The following CPA6 variants were observed in gnomAD, a reference collection of about 807,000 sequenced individuals.
CPA6 encodes the protein carboxypeptidase B.
A neutral mutation model predicts 63.3 loss-of-function variants in CPA6; 58 were observed. That is an observed-to-expected ratio of 0.92 (90% CI 0.74 to 1.14). The LOEUF is 1.14. Ranked by LOEUF, CPA6 falls within the 50% of genes most tolerant of loss-of-function variation. CPA6 has a pLI of 0.00. For synonymous variants in CPA6, 185 were observed against 179.0 expected, an observed-to-expected ratio of 1.03 and a Z score of -0.27; for missense variants, 565 against 526.6, an observed-to-expected ratio of 1.07 and a Z score of -0.71.
At chr8:67,451,540 T>C (rs1263881995) in intron 8 of CPA6, among the ~76,000 whole-genome samples, 2 of 152,130 alleles carry the variant, frequency 1.3e-5, no homozygotes, top group Non-Finnish European at 2.9e-5. Flanking sequence ...AGTAATAATA[T>C]AAATAAAGTG....
intron 1 of CPA6, among the ~76,000 whole-genome samples, chr8:67,648,062 G>T (rs1481215082): frequency 6.6e-6 from 1 of 152,034 alleles, no homozygotes; most frequent in African/African-American, 2.4e-5. Context: ...TTTTTTCAGA[G>T]AACTTTCAGA....
intron 1 of CPA6, among the ~76,000 whole-genome samples, chr8:67,705,227 C>A (rs777935285): frequency 1.3e-5 from 2 of 152,134 alleles, no homozygotes; most frequent in African/African-American, 4.8e-5. Flanking sequence ...ACGGGGCTGC[C>A]TTGAGGGCTG....
chr8:67,633,099 A>G (rs1376277453), intron 1 of CPA6, among the ~76,000 whole-genome samples: 1 of 152,174 alleles, frequency 6.6e-6, no homozygotes, highest in Non-Finnish European at 1.5e-5. Context: ...GTAACTGTAT[A>G]TAAGCTCAAG....
chr8:67,708,919 T>G (rs1262949737), intron 1 of CPA6, among the ~76,000 whole-genome samples: 3 of 151,992 alleles, frequency 2.0e-5, no homozygotes, highest in Non-Finnish European at 2.9e-5. Flanking sequence ...TTTTATAATG[T>G]CTCTCTAAAA....
intron 2 of CPA6, among the ~76,000 whole-genome samples, chr8:67,619,422 A>G (rs546955061): frequency 1.3e-5 from 2 of 152,318 alleles, no homozygotes; most frequent in East Asian, 3.9e-4. Context: ...TCAGGTATCA[A>G]TGGGCTAAAA....
chr8:67,725,278 T>C (rs1036138384), intron 1 of CPA6, among the ~76,000 whole-genome samples: 5 of 152,234 alleles, frequency 3.3e-5, no homozygotes, highest in African/African-American at 1.2e-4. Context: ...GCTTTTTTTC[T>C]GCCTTAGTGC....
chr8:67,533,911 G>A lies in CPA6; in HGVS notation c.193-15864C>T, dbSNP rs111572503. 9.2e-3 allele frequency among the ~76,000 whole-genome samples: 1,400 copies of A among 152,316 alleles called. 25 individuals are homozygous for A. Among genetic ancestry groups the A allele is most frequent in the African/African-American group, 0.031 (1,303 of 41,562 alleles). ...AGTTTATCAGTCTTTTCCCCATCAA[G>A]TAGGTCTCATCCTATGTAGGGCAAG... On this transcript the variant is annotated intron_variant, in intron 2 of 10. Coordinates refer to ENST00000297770, the MANE Select transcript of CPA6 (RefSeq NM_020361.5).
chr8:67,608,039 C>T (rs1238023660), intron 2 of CPA6, among the ~76,000 whole-genome samples: 3 of 152,110 alleles, frequency 2.0e-5, no homozygotes, highest in Admixed American at 1.3e-4. Context: ...TTCTTGGGTC[C>T]TGTTTTTACT....
At chr8:67,474,508 A>G (rs1811130726) in intron 8 of CPA6, among the ~76,000 whole-genome samples, 1 of 152,022 alleles carries the variant, frequency 6.6e-6, no homozygotes, top group South Asian at 2.1e-4. Context: ...GACGTGAGCC[A>G]CAGCCGCCGG....
chr8:67,514,375 A>C (rs1301300366), intron 3 of CPA6, among the ~76,000 whole-genome samples: 1 of 152,240 alleles, frequency 6.6e-6, no homozygotes, highest in African/African-American at 2.4e-5. Flanking sequence ...GGGGCCAGAC[A>C]CATGAGGTCA....
intron 6 of CPA6, among the ~76,000 whole-genome samples, chr8:67,503,342 G>C (rs1811865362): frequency 6.6e-6 from 1 of 152,038 alleles, no homozygotes; most frequent in South Asian, 2.1e-4. Flanking sequence ...TTCTGCCCAG[G>C]CTGGAGTGCA....
chr8:67,475,835 C>CTT (rs763590064), intron 8 of CPA6, among the ~76,000 whole-genome samples: 12 of 56,750 alleles, frequency 2.1e-4, no homozygotes, highest in Non-Finnish European at 3.5e-4. Context: ...TTCTTTCTTT[C>CTT]TTTCTTTCTT....
At chr8:67,699,663 T>C (rs1021571855) in intron 1 of CPA6, among the ~76,000 whole-genome samples, 2 of 151,934 alleles carry the variant, frequency 1.3e-5, no homozygotes, top group Non-Finnish European at 2.9e-5. Flanking sequence ...TCTGGGTTCA[T>C]TGCAATCTCC....
chr8:67,525,753 C>A (rs908516322), intron 2 of CPA6, among the ~76,000 whole-genome samples: 1 of 152,158 alleles, frequency 6.6e-6, no homozygotes, highest in African/African-American at 2.4e-5. Context: ...AGGTCATTAT[C>A]TTAAATGAAA....
At position 67,563,101 on chromosome 8, in the gene CPA6, T is replaced by G. The variant is rs1430657870; in HGVS notation, c.193-45054A>C. Among the ~76,000 whole-genome samples, 3 of 144,516 alleles carry G rather than the reference T, an allele frequency of 2.1e-5. No homozygotes were observed. In the East Asian group the frequency reaches 6.1e-4, roughly 30 times the overall value. 94.8% of individuals were successfully genotyped at this position (144,516 alleles called of 152,430 possible). ...TGAATGTTTGTAGAACTAAACTGAG[T>G]CAAAAATTAGAATGAAGAGAAAAAA... is the stretch of plus-strand genomic sequence containing the variant. On this transcript the variant is annotated intron_variant, in intron 2 of 10. Transcript: ENST00000297770.
At chr8:67,575,468 G>C (rs1468287031) in intron 2 of CPA6, among the ~76,000 whole-genome samples, 2 of 152,186 alleles carry the variant, frequency 1.3e-5, no homozygotes. Flanking sequence ...CAATAGTCAA[G>C]ATACAGAATC....
At chr8:67,457,475 A>T (rs1276951003) in intron 8 of CPA6, among the ~76,000 whole-genome samples, 1 of 151,892 alleles carries the variant, frequency 6.6e-6, no homozygotes, top group Admixed American at 6.6e-5. Context: ...CAGCAATCTG[A>T]TCCCTTCCTC....
At chr8:67,466,084 G>GTTTTTTTTTT (rs561313512) in intron 8 of CPA6, among the ~76,000 whole-genome samples, 1 of 96,098 alleles carries the variant, frequency 1.0e-5, no homozygotes. Flanking sequence ...TCTGAGGCTT[G>GTTTTTTTTTT]TTTTTTTTTT....
chr8:67,568,989 G>A (rs1002967580), intron 2 of CPA6, among the ~76,000 whole-genome samples: 1 of 152,178 alleles, frequency 6.6e-6, no homozygotes, highest in Admixed American at 6.5e-5. Context: ...GACCTCAGGT[G>A]ATCCACCCAC....
Sources: gnomAD v4.1 joint callset for allele counts (sites outside exome capture counted in the v4.1 genomes callset) on GRCh38, gnomAD v4.1.1 for gene constraint, MANE v1.5 for transcripts, NCBI Gene and HGNC (gene_info 2026-07-23, HGNC 2026-07-21) for gene names.